Variants in KLRF2 observed in about 807,000 individuals in gnomAD.
KLRF2 encodes the protein killer cell lectin like receptor F2.
Under a neutral mutation model 25.3 loss-of-function variants are expected in KLRF2, and 28 were observed. That is an observed-to-expected ratio of 1.11 (90% CI 0.82 to 1.52). KLRF2 has a LOEUF of 1.52. KLRF2 is among the 40% of genes most tolerant of loss of function. The pLI is 0.00. For missense variants in KLRF2, 265 were observed against 245.8 expected (o/e 1.08, Z -0.52); for synonymous variants, 73 against 85.0 (o/e 0.86, Z 0.78).
chr12:9,883,532 A>C (rs1158320629), intron 1 of KLRF2, among the ~76,000 whole-genome samples: 1 of 152,162 alleles, frequency 6.6e-6, no homozygotes, highest in Non-Finnish European at 1.5e-5. Context: ...AAGAAGTTTA[A>C]AGTCTCCCTC....
At chr12:9,893,364 C>A in intron 4 of KLRF2, 65 bp from the exon 5 acceptor site, 1 of 855,204 alleles carries the variant, frequency 1.2e-6, no homozygotes, top group Non-Finnish European at 1.8e-6. Flanking sequence ...CAGAGACTTA[C>A]ACTATAGAAG....
At chr12:9,891,262 G>A (rs949192334) in intron 3 of KLRF2, among the ~76,000 whole-genome samples, 3 of 152,160 alleles carry the variant, frequency 2.0e-5, no homozygotes, top group African/African-American at 4.8e-5. Flanking sequence ...GCATCTAATA[G>A]AGCAGTTGAT....
At chr12:9,884,254 A>C (rs1868126345) in intron 1 of KLRF2, among the ~76,000 whole-genome samples, 1 of 151,994 alleles carries the variant, frequency 6.6e-6, no homozygotes, top group Non-Finnish European at 1.5e-5. Flanking sequence ...ATTCTTGCCA[A>C]CTCTAATGCG....
intron 2 of KLRF2, among the ~76,000 whole-genome samples, chr12:9,888,249 C>T (rs962565845): frequency 1.3e-5 from 2 of 151,730 alleles, no homozygotes; most frequent in African/African-American, 2.4e-5. Context: ...TCAGCACTTT[C>T]GGAAGCCGAG....
Position 9,888,817 on chromosome 12 carries a change from G to A in KLRF2, c.217+37G>A, listed in dbSNP as rs540144958. On this transcript the variant is annotated intron_variant, in intron 3 of 5. Coordinates refer to ENST00000535540, the MANE Select transcript of KLRF2 (RefSeq NM_001190765.1). Reference sequence around the variant, plus strand: ...TTTGTTTGTTATGTGCTACTCTTAGGGGTAAATTTAGTTTTGGCTTCCCTC... The same window carrying A: ...TTTGTTTGTTATGTGCTACTCTTAGAGGTAAATTTAGTTTTGGCTTCCCTC... 2.2e-5 allele frequency: 29 copies of A among 1,331,046 alleles called. No homozygotes were observed. In the African/African-American group the frequency reaches 3.9e-4, roughly 18 times the overall value. 82.5% of individuals were successfully genotyped at this position (1,331,046 alleles called of 1,614,324 possible). A position where few individuals can be genotyped will look rare whatever the true frequency, so the allele number is the denominator to read the frequency against.
intron 3 of KLRF2, 90 bp from the exon 4 acceptor site, chr12:9,892,930 T>A: frequency 9.1e-7 from 1 of 1,094,028 alleles, no homozygotes; most frequent in Non-Finnish European, 1.3e-6. Flanking sequence ...GTTGGAAAAA[T>A]CTATTTTCCA....
At chr12:9,892,337 A>G (rs1424193035) in intron 3 of KLRF2, among the ~76,000 whole-genome samples, 1 of 152,224 alleles carries the variant, frequency 6.6e-6, no homozygotes, top group Non-Finnish European at 1.5e-5. Context: ...ACAGACATGA[A>G]GTGCAGGTTG....
At position 9,881,747 on chromosome 12, in the gene KLRF2, T is replaced by A. The variant is rs1229224800; in HGVS notation, c.70+82T>A. On this transcript the variant is annotated intron_variant, in intron 1 of 5. Coordinates refer to ENST00000535540, the MANE Select transcript of KLRF2 (RefSeq NM_001190765.1). Reference sequence around the variant, plus strand: ...GAATTATCTTAGAATATTTTTAACATCTTAACATTGATCATAATAAGGAAT... The same window carrying A: ...GAATTATCTTAGAATATTTTTAACAACTTAACATTGATCATAATAAGGAAT... The A allele has an allele frequency of 4.1e-6, 4 of 981,320 alleles. No homozygotes were observed. In the Admixed American group the frequency reaches 8.5e-5, roughly 21 times the overall value. The allele number at this position is 981,320 out of a possible 1,614,324, so 60.8% of individuals were successfully genotyped here.
intron 2 of KLRF2, among the ~76,000 whole-genome samples, chr12:9,887,456 T>A (rs1862611638): frequency 6.6e-6 from 1 of 152,234 alleles, no homozygotes; most frequent in African/African-American, 2.4e-5. Flanking sequence ...TTATGAGCAA[T>A]CTTGATTTTA....
rs1404488447 is a variant in KLRF2, at chr12:9,895,721, G to T, written c.512G>T (p.Ser171Ile). 6.5e-7 allele frequency: 1 copy of T among 1,535,286 alleles called. No individual in the cohort carries two copies. The highest frequency in any genetic ancestry group is 8.7e-7 in the Non-Finnish European group (1 of 1,146,636). ...GTGATTGGACCAACTGATGACAGGA[G>T]CTGTGCCGTTATCACAGGAAACTGG... ...FSVIGPTDDR[S>I]CAVITGNWVY... The change falls in exon 6 of 6, where the codon AGC (serine) becomes ATC (isoleucine). Residue 171 changes from serine to isoleucine, a missense_variant. Ser to Ile is a moderately radical substitution (Grantham distance 142, BLOSUM62 -2). Coordinates refer to ENST00000535540, the MANE Select transcript of KLRF2 (RefSeq NM_001190765.1).
intron 3 of KLRF2, among the ~76,000 whole-genome samples, chr12:9,892,610 G>C (rs1280746285): frequency 8.1e-6 from 1 of 123,462 alleles, no homozygotes; most frequent in Non-Finnish European, 1.6e-5. Flanking sequence ...TTGAGACAGA[G>C]TTTCGCTCTT....
intron 5 of KLRF2, among the ~76,000 whole-genome samples, chr12:9,894,204 C>G (rs1170396278): frequency 2.2e-5 from 3 of 137,770 alleles, no homozygotes; most frequent in African/African-American, 8.2e-5. Context: ...TTTTTTTCAG[C>G]AGAGCCTTGC....
At chr12:9,883,738 T>C (rs1868119217) in intron 1 of KLRF2, among the ~76,000 whole-genome samples, 2 of 152,134 alleles carry the variant, frequency 1.3e-5, no homozygotes, top group African/African-American at 4.8e-5. Flanking sequence ...ATACAGACAA[T>C]TGAGTAGCAA....
intron 2 of KLRF2, among the ~76,000 whole-genome samples, 156 bp downstream of exon 2, chr12:9,885,188 T>C (rs958100807): frequency 1.3e-5 from 2 of 151,804 alleles, no homozygotes; most frequent in African/African-American, 2.4e-5. Flanking sequence ...AATGCTCAAA[T>C]GCAAGCTTGG....
intron 3 of KLRF2, among the ~76,000 whole-genome samples, chr12:9,890,741 GCTGT>G (rs748417802): frequency 3.3e-5 from 5 of 152,120 alleles, no homozygotes; most frequent in Non-Finnish European, 5.9e-5. Flanking sequence ...CCGTCATCTT[GCTGT>G]CTAACATAAC....
chr12:9,894,164 CTTCT>C (rs1206413805), intron 5 of KLRF2, among the ~76,000 whole-genome samples: 2 of 124,892 alleles, frequency 1.6e-5, no homozygotes, highest in Non-Finnish European at 3.3e-5. Context: ...CCCTCCCTTC[CTTCT>C]TTGTTTCTTT....
intron 5 of KLRF2, among the ~76,000 whole-genome samples, chr12:9,893,878 C>T (rs1006513677): frequency 6.6e-6 from 1 of 152,084 alleles, no homozygotes; most frequent in Admixed American, 6.5e-5. Context: ...AAATACTTCT[C>T]ATGTGGTAAA....
chr12:9,889,598 C>T (rs552714934), intron 3 of KLRF2, among the ~76,000 whole-genome samples: 4 of 151,880 alleles, frequency 2.6e-5, no homozygotes, highest in Non-Finnish European at 5.9e-5. Flanking sequence ...CCTGCCCCCA[C>T]AATTATATGA....
chr12:9,886,419 A>G (rs1211188822), intron 2 of KLRF2, among the ~76,000 whole-genome samples: 4 of 152,156 alleles, frequency 2.6e-5, no homozygotes, highest in Admixed American at 2.6e-4. Context: ...AAGAAAATGA[A>G]AAGTGGATAG....
Sources: allele counts gnomAD v4.1 joint callset (sites outside exome capture counted in the v4.1 genomes callset), GRCh38; gene constraint gnomAD v4.1.1; transcripts MANE v1.5; gene names NCBI Gene and HGNC (gene_info 2026-07-23, HGNC 2026-07-21).